The following ZFHX4 variants were observed in gnomAD, a reference collection of about 807,000 sequenced individuals.
ZFHX4 encodes the protein zinc finger homeobox protein 4.
ZFHX4 carries 56 observed loss-of-function variants against 267.6 expected under a neutral mutation model. The observed-to-expected ratio is 0.21, with a 90% confidence interval of 0.17 to 0.26. The LOEUF (loss-of-function observed/expected upper bound fraction) is 0.26. ZFHX4 is among the 10% of genes least tolerant of loss of function. The pLI is 1.00. For missense variants in ZFHX4, 4,332 were observed against 4,420.0 expected, an observed-to-expected ratio of 0.98 and a Z score of 0.56; for synonymous variants, 1,778 against 1,665.6, an observed-to-expected ratio of 1.07 and a Z score of -1.64.
intron 1 of ZFHX4, among the ~76,000 whole-genome samples, chr8:76,698,378 TA>T (rs1158101838): frequency 6.6e-6 from 1 of 152,156 alleles, no homozygotes; most frequent in Non-Finnish European, 1.5e-5. Flanking sequence ...GGAGTTTGAT[TA>T]AAGTTTTGAA....
chr8:76,820,324 A>G (rs1394116089), intron 4 of ZFHX4, among the ~76,000 whole-genome samples: 1 of 152,172 alleles, frequency 6.6e-6, no homozygotes, highest in Non-Finnish European at 1.5e-5. Flanking sequence ...GTAATCATTT[A>G]TGAATTAATT....
intron 2 of ZFHX4, 139 bp from the exon 3 acceptor site, chr8:76,707,407 G>C: frequency 1.3e-6 from 1 of 755,506 alleles, no homozygotes; most frequent in Non-Finnish European, 2.0e-6. Context: ...AATTGATCCT[G>C]ATTGAATCCT....
At chr8:76,693,416 C>A (rs1399311856) in intron 1 of ZFHX4, 1 of 152,088 alleles carries the variant, frequency 6.6e-6, no homozygotes, top group East Asian at 1.9e-4. Flanking sequence ...ATAGCACAAT[C>A]CCCTTGTTTA....
At chr8:76,693,525 G>C (rs1807876509) in intron 1 of ZFHX4, 1 of 152,074 alleles carries the variant, frequency 6.6e-6, no homozygotes, top group South Asian at 2.1e-4. Context: ...GCGTGTGTGT[G>C]TATGTGTGTG....
At chr8:76,696,784 A>T (rs893416395) in intron 1 of ZFHX4, among the ~76,000 whole-genome samples, 3 of 152,040 alleles carry the variant, frequency 2.0e-5, no homozygotes, top group Non-Finnish European at 2.9e-5. Flanking sequence ...GTTCTCTATT[A>T]TGCTAGTCCT....
chr8:76,846,000 A>G (rs1441740243), intron 6 of ZFHX4, among the ~76,000 whole-genome samples: 5 of 152,042 alleles, frequency 3.3e-5, no homozygotes, highest in Non-Finnish European at 5.9e-5. Flanking sequence ...TTTACTTCAA[A>G]TAAAGTGGCA....
intron 3 of ZFHX4, among the ~76,000 whole-genome samples, chr8:76,736,165 AC>A (rs933940455): frequency 8.6e-5 from 13 of 151,866 alleles, no homozygotes; most frequent in Non-Finnish European, 1.9e-4. Flanking sequence ...AAAAAAACTG[AC>A]TTTAACCTAA....
chr8:76,849,513 T>C lies in ZFHX4; in HGVS notation c.3647T>C (p.Phe1216Ser). ...TEDNKFCHEQFYQCPYCNYNS... is the reference protein window; with the variant it reads ...TEDNKFCHEQSYQCPYCNYNS... ...CCATGTTTATTCAATATTTTCCAGTTCTATCAATGTCCTTATTGTAACTAC... is the reference window on the plus strand; with the variant it reads ...CCATGTTTATTCAATATTTTCCAGTCCTATCAATGTCCTTATTGTAACTAC... The change falls in exon 8 of 11, where the codon TTC becomes TCC. Residue 1216 changes from phenylalanine (F) to serine (S), a missense_variant and splice_region_variant. Phe to Ser is a radical substitution (Grantham distance 155, BLOSUM62 -2). This residue lies in a region of ZFHX4 where 1,371 missense variants were observed against 1,423.1 expected (regional missense o/e 0.96). Transcript: ENST00000651372. 6.2e-7 allele frequency: 1 copy of C among 1,612,012 alleles called. No individual in the cohort carries two copies. Among genetic ancestry groups the C allele is most frequent in the Non-Finnish European group, 8.5e-7 (1 of 1,178,114 alleles).
chr8:76,810,613 G>C (rs1311964471), intron 4 of ZFHX4, among the ~76,000 whole-genome samples: 1 of 152,154 alleles, frequency 6.6e-6, no homozygotes, highest in African/African-American at 2.4e-5. Flanking sequence ...AAGGGTGTGT[G>C]TGACTTTTTT....
chr8:76,690,750 C>T (rs774048388), intron 1 of ZFHX4, among the ~76,000 whole-genome samples: 19 of 151,940 alleles, frequency 1.3e-4, no homozygotes, highest in African/African-American at 1.4e-4. Flanking sequence ...CATACACACA[C>T]GTCTACCCTC....
chr8:76,782,283 C>T (rs1367835424), intron 4 of ZFHX4: 1 of 389,536 alleles, frequency 2.6e-6, no homozygotes, highest in Admixed American at 3.0e-5. Flanking sequence ...GAAATGTACA[C>T]TCTGTCTGGC....
intron 3 of ZFHX4, among the ~76,000 whole-genome samples, chr8:76,735,067 G>A (rs139998907): frequency 1.3e-5 from 2 of 152,220 alleles, no homozygotes; most frequent in East Asian, 3.9e-4. Context: ...TAGATATAAT[G>A]TGATTTCAGA....
chr8:76,769,047 A>T (rs1810188326), intron 3 of ZFHX4, among the ~76,000 whole-genome samples: 1 of 152,042 alleles, frequency 6.6e-6, no homozygotes, highest in Non-Finnish European at 1.5e-5. Flanking sequence ...GCAGTGAGCT[A>T]TGATTGTGCC....
At chr8:76,833,462 G>T (rs1009758602) in intron 5 of ZFHX4, 56 bp downstream of exon 5, 5 of 1,330,946 alleles carry the variant, frequency 3.8e-6, no homozygotes, top group Middle Eastern at 3.6e-4. Flanking sequence ...AGTTGCTTTT[G>T]TTACTCTCAT....
At position 76,705,885 on chromosome 8, in the gene ZFHX4, C is replaced by A; in HGVS notation, c.1797C>A (p.Gly599=). The stretch of plus-strand genomic sequence containing the variant: ...ATGGCTTTACCCCGAGTACTCCTGG[C>A]ACACCAGGGCCTGGAGGAGACGGCT... ...HQHGFTPSTP[G]TPGPGGDGSP... is the part of the protein sequence containing the mutation. Residue 599 remains glycine (G), a synonymous_variant, in exon 2 of 11, where the codon GGC becomes GGA. Transcript: ENST00000651372. 4.3e-6 allele frequency: 7 copies of A among 1,613,764 alleles called. No individual in the cohort carries two copies. Among genetic ancestry groups the A allele is most frequent in the Non-Finnish European group, 5.9e-6 (7 of 1,179,852 alleles).
rs745510962 is a variant in ZFHX4 at position 76,852,716 on chromosome 8, A to G, written c.5795A>G (p.Gln1932Arg). Residue 1932 changes from glutamine (Q) to arginine (R), a missense_variant, in exon 10 of 11, where the codon CAG becomes CGG. Gln to Arg is a conservative substitution (Grantham distance 43, BLOSUM62 1). Transcript: ENST00000651372. ...TATAACGAAAACAGGCAGAAGGTAC[A>G]GAAGAAGGGCAAAAGTGGTGAAGGC... ...IQYNENRQKV[Q>R]KKGKSGEGEN... 6.2e-7 allele frequency: 1 copy of G among 1,613,954 alleles called. No homozygotes were observed. Among genetic ancestry groups the G allele is most frequent in the Non-Finnish European group, 8.5e-7 (1 of 1,179,870 alleles).
At chr8:76,841,889 C>G (rs1812243753) in intron 5 of ZFHX4, among the ~76,000 whole-genome samples, 2 of 152,252 alleles carry the variant, frequency 1.3e-5, no homozygotes, top group East Asian at 1.9e-4. Flanking sequence ...GGGCCTTTCA[C>G]GGATTAGTGC....
Position 76,855,500 on chromosome 8 carries a change from G to A in ZFHX4, c.8579G>A (p.Cys2860Tyr), listed in dbSNP as rs534077358. Residue 2860 changes from cysteine (C) to tyrosine (Y), a missense_variant, in exon 10 of 11, where the codon TGC becomes TAC. By Grantham distance (194) the Cys-to-Tyr change is radical. Coordinates refer to ENST00000651372, the MANE Select transcript of ZFHX4 (RefSeq NM_024721.5). ...KPATTPTTEV[C>Y]DDKFLFSLTS... ...GCAACCACACCTACCACGGAGGTCT[G>A]CGATGACAAATTTCTCTTTTCTCTC... The A allele has an allele frequency of 1.3e-5, 21 of 1,613,640 alleles. No homozygotes were observed. Among genetic ancestry groups the A allele is most frequent in the Non-Finnish European group, 1.7e-5 (20 of 1,179,876 alleles).
At chr8:76,787,925 C>A (rs754786600) in intron 4 of ZFHX4, among the ~76,000 whole-genome samples, 1 of 152,118 alleles carries the variant, frequency 6.6e-6, no homozygotes, top group East Asian at 1.9e-4. Flanking sequence ...CCTTTACTGA[C>A]CAATCTCTGT....
Sources: allele counts gnomAD v4.1 joint callset (sites outside exome capture counted in the v4.1 genomes callset), GRCh38; gene constraint gnomAD v4.1.1; regional missense constraint gnomAD v4.1.1; transcripts MANE v1.5; gene names NCBI Gene and HGNC (gene_info 2026-07-23, HGNC 2026-07-21).